KANK2: variants seen among roughly 807,000 people sequenced by gnomAD.
KANK2 encodes the protein KN motif and ankyrin repeat domains 2, also known as KN motif and ankyrin repeat domain-containing protein 2.
Under a neutral mutation model 74.6 loss-of-function variants are expected in KANK2, and 41 were observed. The observed-to-expected ratio is 0.55, with a 90% CI of 0.43 to 0.71. The LOEUF (loss-of-function observed/expected upper bound fraction) is 0.71. Among genes scored for constraint, KANK2 ranks in the 30% least tolerant of loss-of-function variants. The pLI is 0.00. For missense variants in KANK2, 1,148 were observed against 1,196.4 expected, an observed-to-expected ratio of 0.96 and a Z score of 0.60; for synonymous variants, 537 against 519.0, an observed-to-expected ratio of 1.03 and a Z score of -0.47.
intron 4 of KANK2, among the ~76,000 whole-genome samples, chr19:11,184,249 A>ACTTG (rs2078612313): frequency 6.9e-6 from 1 of 145,814 alleles, no homozygotes. Context: ...GCTGGCAGGC[A>ACTTG]CCTGTAATCC....
At chr19:11,196,460 T>G (rs1170394450) in intron 1 of KANK2, 1 of 152,410 alleles carries the variant, frequency 6.6e-6, no homozygotes, top group African/African-American at 2.4e-5. Context: ...GTACAGTGGC[T>G]TCCTCGGGGT....
Position 11,170,047 on chromosome 19 carries a change from C to T in KANK2, c.2412+1G>A, listed in dbSNP as rs1239184916. The T allele has an allele frequency of 3.7e-6, 6 of 1,613,148 alleles. No individual in the cohort carries two copies. The highest frequency in any genetic ancestry group is 2.2e-5 in the East Asian group (1 of 44,864). On this transcript the variant is annotated splice_donor_variant, in intron 11 of 12. Coordinates refer to ENST00000586659, the MANE Select transcript of KANK2 (RefSeq NM_001136191.3). LOFTEE classifies it high-confidence loss of function. This position sits in a 1 kb window ranked among gnomAD's most constrained non-coding sequence, Gnocchi z 5.2. The stretch of plus-strand genomic sequence containing the variant: ...CGGGGTGCACCTGGTTGGAGACTCA[C>T]GCGATCTGTGAGTGAGATGTCACAG...
chr19:11,171,554 G>C lies in KANK2; in HGVS notation c.2212-1306C>G, dbSNP rs564890440. On this transcript the variant is annotated intron_variant, in intron 10 of 12. Coordinates refer to ENST00000586659, the MANE Select transcript of KANK2 (RefSeq NM_001136191.3). ...TTTTTTTTTTTAATAGAGAGGAGGT[G>C]GGGGTGGGGGGGTGTCTCTAGGTTC... is the stretch of plus-strand genomic sequence containing the variant. 4.0e-5 allele frequency among the ~76,000 whole-genome samples: 6 copies of C among 150,274 alleles called. No individual in the cohort carries two copies. The South Asian group carries it at 6.3e-4, about 16-fold the overall frequency.
intron 9 of KANK2, among the ~76,000 whole-genome samples, chr19:11,173,637 C>T (rs1600808637): frequency 6.6e-6 from 1 of 152,348 alleles, no homozygotes; most frequent in East Asian, 1.9e-4. Flanking sequence ...GTTTCCCTAA[C>T]ATCACTTCTG....
chr19:11,194,346 C>G, intron 3 of KANK2, 129 bp downstream of exon 3: 1 of 744,564 alleles, frequency 1.3e-6, no homozygotes, highest in Non-Finnish European at 2.2e-6. Context: ...GACTCTGCCT[C>G]CTCCCTCAGA....
chr19:11,174,957 C>CT (rs573242892), intron 8 of KANK2, among the ~76,000 whole-genome samples: 233 of 140,916 alleles, frequency 1.7e-3, no homozygotes, highest in East Asian at 3.1e-3. Flanking sequence ...CTCTCTCTCT[C>CT]TTTTTTTTTT....
chr19:11,174,293 G>C (rs955451698), intron 9 of KANK2, among the ~76,000 whole-genome samples, 180 bp downstream of exon 9: 1 of 152,154 alleles, frequency 6.6e-6, no homozygotes, highest in African/African-American at 2.4e-5. Flanking sequence ...ACATCCAATC[G>C]GAAGGTGGCA....
rs949510154 is a variant in KANK2, at chr19:11,164,402, G to T, written c.*2156C>A. 1 of 152,080 alleles carries T rather than the reference G, an allele frequency of 6.6e-6. No individual in the cohort carries two copies. The highest frequency in any genetic ancestry group is 1.5e-5 in the Non-Finnish European group (1 of 68,026). 9.4% of individuals were successfully genotyped at this position (152,080 alleles called of 1,614,324 possible). On this transcript the variant is annotated 3_prime_UTR_variant, in exon 13 of 13. Coordinates refer to ENST00000586659, the MANE Select transcript of KANK2 (RefSeq NM_001136191.3). ...TCAGAAAGTGAAATTAAAGCTCATG[G>T]ATATGCGTGAGAAGAGAATGGGCGC...
Position 11,194,763 on chromosome 19 carries a change from C to G in KANK2, c.-79-173G>C, listed in dbSNP as rs369623532. 1.1e-4 allele frequency: 51 copies of G among 450,388 alleles called. No homozygotes were observed. The East Asian group carries it at 1.4e-3, about 12-fold the overall frequency. 27.9% of individuals were successfully genotyped at this position (450,388 alleles called of 1,614,324 possible). ...AAGGGCCCCCCCCGACCCCCTCCCC[C>G]CCGCAGGTCTGGAACAAAGAAACCA... On this transcript the variant is annotated intron_variant, in intron 2 of 12. Transcript: ENST00000586659.
intron 8 of KANK2, among the ~76,000 whole-genome samples, chr19:11,175,239 C>T (rs1334185282): frequency 6.6e-6 from 1 of 151,582 alleles, no homozygotes; most frequent in Non-Finnish European, 1.5e-5. Flanking sequence ...CCATCCTGCC[C>T]AACATGGTGA....
chr19:11,170,740 G>A lies in KANK2; in HGVS notation c.2212-492C>T, dbSNP rs112930703. Among the ~76,000 whole-genome samples the A allele has an allele frequency of 3.3e-5, 5 of 152,182 alleles. No individual in the cohort carries two copies. The highest frequency in any genetic ancestry group is 1.2e-4 in the African/African-American group (5 of 41,442). On this transcript the variant is annotated intron_variant, in intron 10 of 12. Transcript: ENST00000586659. The surrounding 1 kb of genome is among the most constrained non-coding windows in gnomAD (Gnocchi z 5.2). The stretch of plus-strand genomic sequence containing the variant: ...CGAGTAGCTGAGACTACAGGCATGC[G>A]CCACAATGCCTGGCTAATTTTTGTA...
At position 11,193,994 on chromosome 19, in the gene KANK2, T is replaced by C. The variant is rs780506062; in HGVS notation, c.86A>G (p.Asp29Gly). The C allele has an allele frequency of 6.2e-7, 1 of 1,613,154 alleles. No individual in the cohort carries two copies. Among genetic ancestry groups the C allele is most frequent in the South Asian group, 1.1e-5 (1 of 91,034 alleles). Residue 29 changes from aspartate to glycine, a missense_variant, in exon 4 of 13, where the codon GAT (aspartate) becomes GGT (glycine). Transcript: ENST00000586659. The surrounding 1 kb of genome is among the most constrained non-coding windows in gnomAD (Gnocchi z 9.6). The part of the protein sequence containing the change: ...SPPAFPAKDP[D>G]PPYSVETPYG... ...GGGGGTCTCCACGGAGTAGGGTGGA[T>C]CGGGGTCCTTGGCAGGGAAGGCAGG... is the stretch of plus-strand genomic sequence containing the variant.
At chr19:11,181,447 A>G (rs921484885) in intron 4 of KANK2, among the ~76,000 whole-genome samples, 2 of 151,980 alleles carry the variant, frequency 1.3e-5, no homozygotes, top group Non-Finnish European at 2.9e-5. Flanking sequence ...AGGTTTCACC[A>G]TGTTGGCCAG....
At chr19:11,191,531 C>G (rs1470623597) in intron 4 of KANK2, among the ~76,000 whole-genome samples, 1 of 152,228 alleles carries the variant, frequency 6.6e-6, no homozygotes, top group Non-Finnish European at 1.5e-5. Flanking sequence ...GCGTCCATGG[C>G]TAGGCAGACA....
chr19:11,168,113 C>T (rs2078075369), intron 12 of KANK2, among the ~76,000 whole-genome samples: 2 of 151,594 alleles, frequency 1.3e-5, no homozygotes, highest in Admixed American at 6.6e-5. Context: ...AGTGATTCTC[C>T]CGCCTAAGCC....
chr19:11,169,815 C>T (rs1222659438), intron 12 of KANK2, 62 bp downstream of exon 12: 3 of 1,399,750 alleles, frequency 2.1e-6, no homozygotes, highest in Non-Finnish European at 3.0e-6. Flanking sequence ...ACAAAAACAA[C>T]AAATCTCTGT....
At position 11,176,593 on chromosome 19, in the gene KANK2, G is replaced by C. The variant is rs754387207; in HGVS notation, c.1745C>G (p.Thr582Arg). Residue 582 changes from threonine (T) to arginine (R), a missense_variant, in exon 7 of 13, where the codon ACG becomes AGG. Physicochemically the swap from Thr to Arg is moderately conservative, Grantham distance 71. Coordinates refer to ENST00000586659, the MANE Select transcript of KANK2 (RefSeq NM_001136191.3). ...GAAAACTGACCTGATCTCCTCCTCC[G>C]TGTTTGATCCTGATGCCCCCTCAGC... The part of the protein sequence containing the change: ...PTAEGASGSN[T>R]EEEIRMELSP... The C allele has an allele frequency of 5.0e-6, 8 of 1,592,224 alleles. No individual in the cohort carries two copies. The highest frequency in any genetic ancestry group is 6.0e-6 in the Non-Finnish European group (7 of 1,167,232).
At chr19:11,186,142 CT>C (rs1426229773) in intron 4 of KANK2, among the ~76,000 whole-genome samples, 1 of 152,198 alleles carries the variant, frequency 6.6e-6, no homozygotes, top group Non-Finnish European at 1.5e-5. Flanking sequence ...AATCCCAGCA[CT>C]TTGGGAGGCC....
chr19:11,193,004 G>T lies in KANK2; in HGVS notation c.1076C>A (p.Pro359His), dbSNP rs781350531. 1.3e-4 allele frequency: 215 copies of T among 1,613,750 alleles called. No individual in the cohort carries two copies. Among genetic ancestry groups the T allele is most frequent in the Non-Finnish European group, 1.8e-4 (211 of 1,179,884 alleles). ...CAGGGCCCTCAGCCCTGTGCCGTAA[G>T]GCTCCAGGCTCTGGGCCCGCTGTGC... ...APAQRAQSLE[P>H]YGTGLRALAM... The change falls in exon 4 of 13, where the codon CCT becomes CAT. Residue 359 changes from proline to histidine, a missense_variant. By Grantham distance (77) the Pro-to-His change is moderately conservative (BLOSUM62 -2). Coordinates refer to ENST00000586659, the MANE Select transcript of KANK2 (RefSeq NM_001136191.3). The surrounding 1 kb of genome is among the most constrained non-coding windows in gnomAD (Gnocchi z 9.6).
Sources: allele counts gnomAD v4.1 joint callset (sites outside exome capture counted in the v4.1 genomes callset), GRCh38; gene constraint gnomAD v4.1.1; non-coding constraint Gnocchi (gnomAD v3.1); transcripts MANE v1.5; gene names NCBI Gene and HGNC (gene_info 2026-07-23, HGNC 2026-07-21).